The following FAT1 variants were observed in gnomAD, a reference collection of about 807,000 sequenced individuals.
FAT1 encodes the protein protocadherin Fat 1.
Under a neutral mutation model 329.8 loss-of-function variants are expected in FAT1, and 171 were observed. That is an observed-to-expected ratio of 0.52 (90% CI 0.46 to 0.59). The LOEUF (loss-of-function observed/expected upper bound fraction) is 0.59. Ranked by LOEUF, FAT1 falls within the 20% of genes least tolerant of loss-of-function variation. FAT1 has a pLI of 0.00. For synonymous variants in FAT1, 2,233 were observed against 2,228.6 expected (o/e 1.00, Z -0.06); for missense variants, 5,672 against 5,774.4 (o/e 0.98, Z 0.57).
intron 3 of FAT1, among the ~76,000 whole-genome samples, chr4:186,649,184 A>G (rs1410598247): frequency 6.9e-6 from 1 of 145,882 alleles, no homozygotes; most frequent in Non-Finnish European, 1.5e-5. Context: ...ATTAAGTCCT[A>G]AAACATCACC....
intron 2 of FAT1, among the ~76,000 whole-genome samples, chr4:186,704,943 C>CT (rs575252840): frequency 0.24 from 29,329 of 120,628 alleles, 6,146 homozygotes; most frequent in African/African-American, 0.56. Context: ...TCCAAAATAA[C>CT]TTTTTTTTTT....
chr4:186,619,871 T>C lies in FAT1; in HGVS notation c.6715A>G (p.Ile2239Val), dbSNP rs1344284774. 7 of 1,613,930 alleles carry C rather than the reference T, an allele frequency of 4.3e-6. No homozygotes were observed. The highest frequency in any genetic ancestry group is 5.9e-6 in the Non-Finnish European group (7 of 1,179,812). The change falls in exon 10 of 27, where the codon ATA becomes GTA. Residue 2239 changes from isoleucine (I) to valine (V), a missense_variant. Physicochemically the swap from Ile to Val is conservative, Grantham distance 29. Coordinates refer to ENST00000441802, the MANE Select transcript of FAT1 (RefSeq NM_005245.4). ...TGGGCCTCAAAGTCCAGAGGAGCTA[T>C]GACATTGATAACTCCAGTATTGAAG... ...INFNTGVINV[I>V]APLDFEAHPA...
In FAT1 at chr4:186,707,981, C is replaced by G. The variant is rs537355649; in HGVS notation, c.1847G>C (p.Ser616Thr). 207 of 1,613,910 alleles carry G rather than the reference C, an allele frequency of 1.3e-4. No individual in the cohort carries two copies. The highest frequency in any genetic ancestry group is 1.6e-4 in the Non-Finnish European group (191 of 1,179,870). ...CAATACCCCCGAGTTGGGGTTTAAA[C>G]TAAAGAAATCCAGTTCATTTCCAGC... The part of the protein sequence containing the change: ...IEAGNELDFF[S>T]LNPNSGVLSL... The change falls in exon 2 of 27, where the codon AGT (serine) becomes ACT (threonine). Residue 616 changes from serine to threonine, a missense_variant. This residue lies in a region of FAT1 where 3,966 missense variants were observed against 3,915.2 expected (regional missense o/e 1.01). Transcript: ENST00000441802.
chr4:186,609,945 A>G lies in FAT1; in HGVS notation c.9924T>C (p.Thr3308=). Residue 3308 remains threonine (T), a synonymous_variant, in exon 15 of 27, where the codon ACT becomes ACC. Transcript: ENST00000441802. ...SHEYYLTVEA[T]DGGTPSLSDV... ...CGCTCAGTGAAGGCGTGCCTCCATCAGTGGCCTCTACTGTTAGGTAATACT... is the reference window on the plus strand; with the variant it reads ...CGCTCAGTGAAGGCGTGCCTCCATCGGTGGCCTCTACTGTTAGGTAATACT... The G allele has an allele frequency of 2.5e-6, 4 of 1,613,514 alleles. No individual in the cohort carries two copies. Among genetic ancestry groups the G allele is most frequent in the Non-Finnish European group, 3.4e-6 (4 of 1,179,458 alleles).
chr4:186,590,828 CACTGCA>C (rs1738206176), intron 26 of FAT1: 1 of 364,618 alleles, frequency 2.7e-6, no homozygotes, highest in African/African-American at 2.1e-5. Flanking sequence ...CTTTATAGCA[CACTGCA>C]ACTTCAAAGG....
rs778150447 is a variant in FAT1 at position 186,609,191 on chromosome 4, G to A, written c.10198C>T (p.Arg3400Ter). ...GEVKVTKLLDRETISGYTLTV... is the reference protein window; with the variant it reads ...GEVKVTKLLD ...CAACCTTTTTCACTTACCGTTTCTC[G>A]GTCGAGAAGTTTGGTCACTTTGACT... Residue 3400 changes from arginine to a stop codon, truncating the protein, a stop_gained, in exon 16 of 27, where the codon CGA becomes TGA. Transcript: ENST00000441802. LOFTEE classifies it high-confidence loss of function. 6 of 1,611,284 alleles carry A rather than the reference G, an allele frequency of 3.7e-6. No individual in the cohort carries two copies. The highest frequency in any genetic ancestry group is 1.3e-5 in the African/African-American group (1 of 74,706).
chr4:186,651,796 C>T (rs975375006), intron 3 of FAT1, among the ~76,000 whole-genome samples: 2 of 152,216 alleles, frequency 1.3e-5, no homozygotes, highest in Non-Finnish European at 2.9e-5. Context: ...ACTGTGAGCT[C>T]GGAGATCTCC....
intron 26 of FAT1, among the ~76,000 whole-genome samples, chr4:186,591,316 G>A (rs1459501280): frequency 6.6e-6 from 1 of 152,174 alleles, no homozygotes; most frequent in Admixed American, 6.6e-5. Context: ...GTTATAATTT[G>A]GGACAAATAT....
rs199507367 is a variant in FAT1, at chr4:186,621,634, G to A, written c.4952C>T (p.Thr1651Ile). The stretch of plus-strand genomic sequence containing the variant: ...AATTGTGACAAAGATACGCACAGAA[G>A]TTATTTCACTCATTGGTGGACTGCC... ...DKGSPPMSEITSVRIFVTIAD... is the reference protein window; with the variant it reads ...DKGSPPMSEIISVRIFVTIAD... The change falls in exon 10 of 27, where the codon ACT becomes ATT. Residue 1651 changes from threonine (T) to isoleucine (I), a missense_variant. Thr to Ile is a moderately conservative substitution (Grantham distance 89). Transcript: ENST00000441802. 4.2e-5 allele frequency: 67 copies of A among 1,614,030 alleles called. 1 individual carries two copies. The African/African-American group carries it at 8.7e-4, about 21-fold the overall frequency.
intron 1 of FAT1, among the ~76,000 whole-genome samples, chr4:186,718,282 T>C (rs1745308290): frequency 6.6e-6 from 1 of 152,164 alleles, no homozygotes; most frequent in South Asian, 2.1e-4. Flanking sequence ...AAAGATACTC[T>C]GATACCACAA....
rs2126699518 is a variant in FAT1 at position 186,708,844 on chromosome 4, A to G, written c.984T>C (p.His328=). 6.2e-7 allele frequency: 1 copy of G among 1,613,948 alleles called. No homozygotes were observed. The highest frequency in any genetic ancestry group is 8.5e-7 in the Non-Finnish European group (1 of 1,179,886). The change falls in exon 2 of 27, where the codon CAT becomes CAC. Residue 328 remains histidine (H), a synonymous_variant. Coordinates refer to ENST00000441802, the MANE Select transcript of FAT1 (RefSeq NM_005245.4). ...KAIGGIDWDS[H]PFGYNLTLQA... ...GTAGTGTGAGATTGTAGCCGAAAGG[A>G]TGACTGTCCCAATCAATGCCACCGA...
At chr4:186,723,331 G>A (rs1021133643) in intron 1 of FAT1, among the ~76,000 whole-genome samples, 30 of 152,338 alleles carry the variant, frequency 2.0e-4, no homozygotes, top group Admixed American at 3.9e-4. Flanking sequence ...CAGACGGCGG[G>A]ATGCCCCAGG....
chr4:186,706,360 C>A (rs1002414622), intron 2 of FAT1, among the ~76,000 whole-genome samples: 2 of 152,160 alleles, frequency 1.3e-5, no homozygotes, highest in East Asian at 3.9e-4. Context: ...TCACTCAGGC[C>A]CTTTTGTTTC....
rs1177275891 is a variant in FAT1, at chr4:186,597,136, G to A, written c.12404C>T (p.Pro4135Leu). 2.5e-6 allele frequency: 4 copies of A among 1,613,048 alleles called. No individual in the cohort carries two copies. Among genetic ancestry groups the A allele is most frequent in the Non-Finnish European group, 3.4e-6 (4 of 1,179,490 alleles). Residue 4135 changes from proline (P) to leucine (L), a missense_variant, in exon 25 of 27, where the codon CCT becomes CTT. Coordinates refer to ENST00000441802, the MANE Select transcript of FAT1 (RefSeq NM_005245.4). The stretch of plus-strand genomic sequence containing the variant: ...CTCACAGAGGGCCCCGTGCAGGCAA[G>A]GGTTTCCAGAGCACTCGTCGATATC... Reference protein sequence around the residue: ...QSDIDECSGNPCLHGALCENT... With the variant: ...QSDIDECSGNLCLHGALCENT...
chr4:186,609,756 C>A (rs2126458428), intron 15 of FAT1, 45 bp downstream of exon 15: 19 of 1,358,224 alleles, frequency 1.4e-5, no homozygotes, highest in Non-Finnish European at 2.0e-5. Flanking sequence ...TTGCAAAGAT[C>A]CAGAAGATAC....
At chr4:186,683,069 C>T (rs1743299832) in intron 2 of FAT1, among the ~76,000 whole-genome samples, 1 of 152,196 alleles carries the variant, frequency 6.6e-6, no homozygotes, top group African/African-American at 2.4e-5. Flanking sequence ...TTAACTACCT[C>T]ATCCCAGACC....
chr4:186,611,754 T>C lies in FAT1; in HGVS notation c.9485A>G (p.Tyr3162Cys). The change falls in exon 14 of 27, where the codon TAC becomes TGC. Residue 3162 changes from tyrosine (Y) to cysteine (C), a missense_variant. Transcript: ENST00000441802. ...CCCATCAGCAGAGTCAATCAGTGAG[T>C]ATAAAATCTTCCGATTTAATCCTAT... ...ADAGLNRKILYSLIDSADGQF... is the reference protein window; with the variant it reads ...ADAGLNRKILCSLIDSADGQF... 6.3e-7 allele frequency: 1 copy of C among 1,575,572 alleles called. No individual in the cohort carries two copies.
chr4:186,601,536 A>G (rs1288338502), intron 20 of FAT1, 110 bp from the exon 21 acceptor site: 8 of 821,054 alleles, frequency 9.7e-6, no homozygotes, highest in South Asian at 2.4e-5. Flanking sequence ...ATTTAAGATG[A>G]TAACATTTTA....
rs531954953 is a variant in FAT1 at position 186,619,029 on chromosome 4, C to T, written c.7557G>A (p.Gly2519=). Residue 2519 remains glycine, a synonymous_variant, in exon 10 of 27, where the codon GGG becomes GGA. Transcript: ENST00000441802. ...TLVMEVKTTD[G]DSGIYGHVTY... is the part of the protein sequence containing the mutation. ...TAACGTGACCATAAATACCAGAATC[C>T]CCATCCGTAGTTTTCACCTCCATCA... 7.4e-6 allele frequency: 12 copies of T among 1,613,954 alleles called. No homozygotes were observed. The highest frequency in any genetic ancestry group is 6.6e-5 in the South Asian group (6 of 91,072).
Sources: gnomAD v4.1 joint callset for allele counts (sites outside exome capture counted in the v4.1 genomes callset) on GRCh38, gnomAD v4.1.1 for gene constraint, gnomAD v4.1.1 regional missense constraint, MANE v1.5 for transcripts, NCBI Gene and HGNC (gene_info 2026-07-23, HGNC 2026-07-21) for gene names.